PRKD1: variants seen among roughly 807,000 people sequenced by gnomAD.
The protein encoded by PRKD1 is protein kinase D1.
PRKD1 carries 63 observed loss-of-function variants against 95.9 expected under a neutral mutation model. That is an observed-to-expected ratio of 0.66 (90% CI 0.54 to 0.81). The LOEUF is 0.81. Among genes scored for constraint, PRKD1 ranks in the 30% least tolerant of loss-of-function variants. PRKD1 has a pLI of 0.00. For synonymous variants in PRKD1, 425 were observed against 423.1 expected, an observed-to-expected ratio of 1.00 and a Z score of -0.05; for missense variants, 1,048 against 1,165.3, an observed-to-expected ratio of 0.90 and a Z score of 1.47.
chr14:29,787,550 C>T lies in PRKD1; in HGVS notation c.265-61876G>A, dbSNP rs368114771. On this transcript the variant is annotated intron_variant, in intron 1 of 17. Coordinates refer to ENST00000331968, the MANE Select transcript of PRKD1 (RefSeq NM_002742.3). ...TATATTTACAACTGTTATACCCTCACGCAGAATTGATCCTCTTATCATTAT... is the reference window on the plus strand; with the variant it reads ...TATATTTACAACTGTTATACCCTCATGCAGAATTGATCCTCTTATCATTAT... Among the ~76,000 whole-genome samples, 403 of 152,128 alleles carry T rather than the reference C, an allele frequency of 2.6e-3. 1 individual carries two copies. The highest frequency in any genetic ancestry group is 9.3e-3 in the African/African-American group (388 of 41,532).
intron 1 of PRKD1, among the ~76,000 whole-genome samples, chr14:29,861,961 G>T (rs947741879): frequency 2.4e-4 from 36 of 151,928 alleles, no homozygotes; most frequent in Non-Finnish European, 2.9e-5. Flanking sequence ...CCAAATACTA[G>T]GTTTTATTCA....
chr14:29,824,565 G>C (rs1891037923), intron 1 of PRKD1, among the ~76,000 whole-genome samples: 1 of 151,858 alleles, frequency 6.6e-6, no homozygotes, highest in Non-Finnish European at 1.5e-5. Flanking sequence ...CAATATTCAG[G>C]AAAAAATTGT....
chr14:29,887,837 T>A (rs1314733160), intron 1 of PRKD1, among the ~76,000 whole-genome samples: 3 of 152,244 alleles, frequency 2.0e-5, no homozygotes, highest in African/African-American at 7.2e-5. Context: ...TGTGGTAGGC[T>A]ATGCCATCTA....
At chr14:29,821,905 T>G (rs534874462) in intron 1 of PRKD1, among the ~76,000 whole-genome samples, 15 of 151,940 alleles carry the variant, frequency 9.9e-5, no homozygotes, top group Non-Finnish European at 2.1e-4. Flanking sequence ...GCAGACAGAC[T>G]CCACAGTCAG....
chr14:29,918,007 G>T (rs553947386), intron 1 of PRKD1, among the ~76,000 whole-genome samples: 2 of 151,818 alleles, frequency 1.3e-5, no homozygotes, highest in African/African-American at 4.8e-5. Flanking sequence ...GTCATGGGGG[G>T]GCTGTACAGA....
At chr14:29,665,968 T>A (rs7161262) in intron 3 of PRKD1, 109 bp downstream of exon 3, 1 of 1,243,198 alleles carries the variant, frequency 8.0e-7, no homozygotes. Context: ...TATCCACTCA[T>A]TGGTTGATGG....
At position 29,879,521 on chromosome 14, in the gene PRKD1, C is replaced by T. The variant is rs146799085; in HGVS notation, c.264+47728G>A. 1.4e-4 allele frequency among the ~76,000 whole-genome samples: 22 copies of T among 152,274 alleles called. No individual in the cohort carries two copies. The East Asian group carries it at 3.7e-3, about 25-fold the overall frequency. On this transcript the variant is annotated intron_variant, in intron 1 of 17. Coordinates refer to ENST00000331968, the MANE Select transcript of PRKD1 (RefSeq NM_002742.3). Reference sequence around the variant, plus strand: ...AATTAAACCTCTTTTTCTTCCCAGTCTCCTGTATGTCTTTATCAGCAGCAT... The same window carrying T: ...AATTAAACCTCTTTTTCTTCCCAGTTTCCTGTATGTCTTTATCAGCAGCAT...
At chr14:29,776,984 A>G (rs1427939315) in intron 1 of PRKD1, among the ~76,000 whole-genome samples, 1 of 152,244 alleles carries the variant, frequency 6.6e-6, no homozygotes, top group Non-Finnish European at 1.5e-5. Flanking sequence ...AGTGGGGGCC[A>G]ATATTCAACA....
At position 29,825,865 on chromosome 14, in the gene PRKD1, G is replaced by T. The variant is rs79269488; in HGVS notation, c.265-100191C>A. 9.8e-3 allele frequency among the ~76,000 whole-genome samples: 1,482 copies of T among 151,910 alleles called. 6 individuals carry two copies. Among genetic ancestry groups the T allele is most frequent in the Non-Finnish European group, 0.017 (1,140 of 67,914 alleles). ...GCCCCTGCTTTCCATTGTTTTGAGG[G>T]TTCTATTTTTCCCCCACCAAAACAA... is the stretch of plus-strand genomic sequence containing the variant. On this transcript the variant is annotated intron_variant, in intron 1 of 17. Coordinates refer to ENST00000331968, the MANE Select transcript of PRKD1 (RefSeq NM_002742.3).
intron 2 of PRKD1, among the ~76,000 whole-genome samples, chr14:29,719,024 T>C (rs1885757751): frequency 6.6e-6 from 1 of 151,938 alleles, no homozygotes; most frequent in Non-Finnish European, 1.5e-5. Context: ...CTAAGAGAAA[T>C]TAATATATAA....
intron 1 of PRKD1, among the ~76,000 whole-genome samples, chr14:29,910,608 A>T (rs1293855583): frequency 6.6e-6 from 1 of 152,214 alleles, no homozygotes; most frequent in Non-Finnish European, 1.5e-5. Context: ...ATAGTCTTTC[A>T]TGTAGATAAA....
chr14:29,610,060 A>G (rs536553810), intron 13 of PRKD1, among the ~76,000 whole-genome samples: 4 of 149,428 alleles, frequency 2.7e-5, no homozygotes, highest in Non-Finnish European at 5.9e-5. Context: ...AGCAACACTT[A>G]TAAATACTCT....
chr14:29,663,758 T>C lies in PRKD1; in HGVS notation c.637A>G (p.Ser213Gly). The change falls in exon 4 of 18, where the codon AGC becomes GGC. Residue 213 changes from serine to glycine, a missense_variant. This residue lies in a region of PRKD1 where 275 missense variants were observed against 248.6 expected (regional missense o/e 1.11). Coordinates refer to ENST00000331968, the MANE Select transcript of PRKD1 (RefSeq NM_002742.3). ...TCAGCAGATGATGTGCGGATGGTGC[T>C]GACCCCAGTGAGGGAAACGTTTGAG... Reference protein sequence around the residue: ...RLSNVSLTGVSTIRTSSAELS... With the variant: ...RLSNVSLTGVGTIRTSSAELS... 1 of 1,614,098 alleles carries C rather than the reference T, an allele frequency of 6.2e-7. No homozygotes were observed. The highest frequency in any genetic ancestry group is 8.5e-7 in the Non-Finnish European group (1 of 1,179,976).
chr14:29,758,505 G>A (rs527270376), intron 1 of PRKD1, among the ~76,000 whole-genome samples: 1 of 152,244 alleles, frequency 6.6e-6, no homozygotes, highest in Non-Finnish European at 1.5e-5. Flanking sequence ...GGATAGAGCA[G>A]GGCATATTTC....
chr14:29,618,972 T>TGAG, intron 13 of PRKD1, among the ~76,000 whole-genome samples: 1 of 152,102 alleles, frequency 6.6e-6, no homozygotes, highest in Non-Finnish European at 1.5e-5. Flanking sequence ...CTCTGGAGAA[T>TGAG]GAGGAGGAGG....
chr14:29,693,158 T>A (rs1226833184), intron 2 of PRKD1, among the ~76,000 whole-genome samples: 1 of 152,178 alleles, frequency 6.6e-6, no homozygotes. Flanking sequence ...GCAATTCTGG[T>A]ATTCTTACTA....
intron 2 of PRKD1, among the ~76,000 whole-genome samples, chr14:29,684,264 C>A (rs1883722430): frequency 6.6e-6 from 1 of 151,762 alleles, no homozygotes; most frequent in South Asian, 2.1e-4. Flanking sequence ...GATTCTCCTA[C>A]CTCAGCCTCC....
intron 13 of PRKD1, among the ~76,000 whole-genome samples, chr14:29,610,065 T>C (rs1413723721): frequency 1.4e-5 from 2 of 145,404 alleles, no homozygotes; most frequent in African/African-American, 5.1e-5. Context: ...CACTTATAAA[T>C]ACTCTCTCAT....
chr14:29,636,392 G>A lies in PRKD1; in HGVS notation c.1088C>T (p.Ala363Val), dbSNP rs769155297. Residue 363 changes from alanine to valine, a missense_variant, in exon 7 of 18, where the codon GCA becomes GTA. Ala to Val is a moderately conservative substitution (Grantham distance 64, BLOSUM62 0). Transcript: ENST00000331968. ...NSGLMDDMEE[A>V]MVQDAEMAMA... is the part of the protein sequence containing the mutation. ...TGCCATCTCTGCATCTTGGACCATT[G>A]CTTCTTCCATATCATCCATGAGCCC... 1.2e-5 allele frequency: 19 copies of A among 1,613,980 alleles called. No homozygotes were observed. Among genetic ancestry groups the A allele is most frequent in the Non-Finnish European group, 1.6e-5 (19 of 1,180,040 alleles).
Sources: gnomAD v4.1 joint callset for allele counts (sites outside exome capture counted in the v4.1 genomes callset) on GRCh38, gnomAD v4.1.1 for gene constraint, gnomAD v4.1.1 regional missense constraint, MANE v1.5 for transcripts, NCBI Gene and HGNC (gene_info 2026-07-23, HGNC 2026-07-21) for gene names.